Variants in BRINP3 observed in about 807,000 individuals in gnomAD.
The protein encoded by BRINP3 is BMP/retinoic acid inducible neural specific 3.
In BRINP3, 19 loss-of-function variants were observed where a neutral mutation model predicts 71.0. The observed-to-expected ratio is 0.27, with a 90% CI of 0.19 to 0.39. The LOEUF (loss-of-function observed/expected upper bound fraction) is 0.39, where lower values mean the gene tolerates loss of function less well. Ranked by LOEUF, BRINP3 falls within the 10% of genes least tolerant of loss-of-function variation. The pLI, the probability that BRINP3 is intolerant of heterozygous loss-of-function variation, is 1.00. For missense variants in BRINP3, 959 were observed against 940.8 expected, an observed-to-expected ratio of 1.02 and a Z score of -0.25; for synonymous variants, 380 against 337.7, an observed-to-expected ratio of 1.13 and a Z score of -1.37.
intron 7 of BRINP3, among the ~76,000 whole-genome samples, chr1:190,117,378 C>T (rs2102304199): frequency 6.6e-6 from 1 of 152,106 alleles, no homozygotes; most frequent in African/African-American, 2.4e-5. Context: ...ATTCAATCTT[C>T]ATTATTTTTA....
At chr1:190,349,966 A>G (rs1220445653) in intron 2 of BRINP3, among the ~76,000 whole-genome samples, 2 of 152,086 alleles carry the variant, frequency 1.3e-5, no homozygotes, top group Non-Finnish European at 2.9e-5. Flanking sequence ...CTGCTGTGAT[A>G]TAGAGTAGTG....
At chr1:190,461,462 G>A (rs531906492) in intron 1 of BRINP3, among the ~76,000 whole-genome samples, 1 of 152,142 alleles carries the variant, frequency 6.6e-6, no homozygotes, top group South Asian at 2.1e-4. Context: ...CCCTATGATG[G>A]TACATTTACA....
chr1:190,165,529 G>A (rs1471250074), intron 6 of BRINP3, among the ~76,000 whole-genome samples: 2 of 135,850 alleles, frequency 1.5e-5, no homozygotes, highest in East Asian at 4.5e-4. Flanking sequence ...TGGTTTAGAC[G>A]CAATACTAAG....
chr1:190,412,582 C>A (rs1672759466), intron 2 of BRINP3, among the ~76,000 whole-genome samples: 1 of 148,204 alleles, frequency 6.7e-6, no homozygotes, highest in Admixed American at 6.7e-5. Flanking sequence ...CCTGCCTCAG[C>A]CTCCCAAGTA....
At chr1:190,457,465 C>G (rs12747359) in intron 1 of BRINP3, among the ~76,000 whole-genome samples, 2 of 151,652 alleles carry the variant, frequency 1.3e-5, no homozygotes, top group Admixed American at 6.6e-5. Context: ...AAAACAAAAA[C>G]AAAACAAAAA....
At chr1:190,269,668 T>C (rs1421444761) in intron 3 of BRINP3, among the ~76,000 whole-genome samples, 2 of 152,024 alleles carry the variant, frequency 1.3e-5, no homozygotes, top group African/African-American at 4.8e-5. Context: ...ATCTAAGTCA[T>C]AGCATGAGAA....
chr1:190,304,100 C>T (rs1266533775), intron 2 of BRINP3, among the ~76,000 whole-genome samples: 4 of 151,878 alleles, frequency 2.6e-5, no homozygotes, highest in Admixed American at 6.6e-5. Context: ...GCCACTAACT[C>T]GTTTTATGAA....
In BRINP3 at chr1:190,240,015, C is replaced by A. The variant is rs1169219008; in HGVS notation, c.619-5538G>T. Among the ~76,000 whole-genome samples, 6 of 151,282 alleles carry A rather than the reference C, an allele frequency of 4.0e-5. No individual in the cohort carries two copies. The East Asian group carries it at 1.2e-3, about 30-fold the overall frequency. On this transcript the variant is annotated intron_variant, in intron 4 of 7. Coordinates refer to ENST00000367462, the MANE Select transcript of BRINP3 (RefSeq NM_199051.3). Reference sequence around the variant, plus strand: ...TTTTTTTATTTCAAGGCTACAATTACTACTGTTCTATAATTGAAGATATAT... The same window carrying A: ...TTTTTTTATTTCAAGGCTACAATTAATACTGTTCTATAATTGAAGATATAT...
intron 2 of BRINP3, among the ~76,000 whole-genome samples, chr1:190,389,967 T>C (rs1219658551): frequency 1.3e-5 from 2 of 151,824 alleles, no homozygotes; most frequent in African/African-American, 4.8e-5. Flanking sequence ...AAGAATCTTC[T>C]CTTGTTACAG....
intron 2 of BRINP3, among the ~76,000 whole-genome samples, chr1:190,368,072 G>A (rs956411967): frequency 2.0e-5 from 3 of 152,048 alleles, no homozygotes; most frequent in African/African-American, 7.2e-5. Context: ...ACCCAGCACC[G>A]ATGTACTGTA....
intron 2 of BRINP3, among the ~76,000 whole-genome samples, chr1:190,437,621 A>T (rs901460435): frequency 6.6e-6 from 1 of 151,874 alleles, no homozygotes; most frequent in Non-Finnish European, 1.5e-5. Flanking sequence ...GGTAAGAATA[A>T]AATCAGCTTT....
intron 6 of BRINP3, among the ~76,000 whole-genome samples, chr1:190,201,696 C>A (rs2436653): frequency 0.044 from 6,659 of 151,918 alleles, 471 homozygotes; most frequent in African/African-American, 0.15. Flanking sequence ...CTGCTCCAGC[C>A]ATGGTTGAAA....
chr1:190,212,882 A>T (rs945949016), intron 6 of BRINP3, among the ~76,000 whole-genome samples: 1 of 152,086 alleles, frequency 6.6e-6, no homozygotes, highest in Non-Finnish European at 1.5e-5. Flanking sequence ...GCTAGAAATG[A>T]CATTTGATTA....
chr1:190,339,868 T>A lies in BRINP3; in HGVS notation c.237-58118A>T, dbSNP rs12733392. The stretch of plus-strand genomic sequence containing the variant: ...ATAGACATTGTCCTGATTTTATTTG[T>A]GAATTGTAATTTAAGATTGCAAAAG... On this transcript the variant is annotated intron_variant, in intron 2 of 7. Transcript: ENST00000367462. Among the ~76,000 whole-genome samples, 382 of 152,068 alleles carry A rather than the reference T, an allele frequency of 2.5e-3. 3 individuals are homozygous for A. The highest frequency in any genetic ancestry group is 3.2e-3 in the Non-Finnish European group (219 of 67,900).
intron 4 of BRINP3, among the ~76,000 whole-genome samples, chr1:190,239,040 T>A (rs1658802747): frequency 6.6e-6 from 1 of 152,142 alleles, no homozygotes. Flanking sequence ...TCTTACATGG[T>A]GGCAGGTGAA....
chr1:190,381,209 C>T (rs777570155), intron 2 of BRINP3, among the ~76,000 whole-genome samples: 7 of 152,028 alleles, frequency 4.6e-5, no homozygotes, highest in Non-Finnish European at 8.8e-5. Context: ...TTAAAATTTA[C>T]GTGTGTTGTC....
intron 7 of BRINP3, chr1:190,154,121 A>C (rs1474871322): frequency 1.1e-6 from 1 of 899,318 alleles, no homozygotes; most frequent in South Asian, 5.1e-5. Flanking sequence ...TAGGGGAAAG[A>C]GATAAAAAAG....
At chr1:190,262,465 T>C (rs1212431433) in intron 4 of BRINP3, among the ~76,000 whole-genome samples, 4 of 152,158 alleles carry the variant, frequency 2.6e-5, no homozygotes, top group Admixed American at 1.3e-4. Flanking sequence ...TTTCCTTTTT[T>C]CCTTAGTTAC....
At chr1:190,170,296 G>T (rs879360631) in intron 6 of BRINP3, among the ~76,000 whole-genome samples, 3 of 151,944 alleles carry the variant, frequency 2.0e-5, no homozygotes, top group African/African-American at 4.8e-5. Context: ...TAAAAGGAAA[G>T]AATTTTATAT....
Sources: allele counts gnomAD v4.1 joint callset (sites outside exome capture counted in the v4.1 genomes callset), GRCh38; gene constraint gnomAD v4.1.1; transcripts MANE v1.5; gene names NCBI Gene and HGNC (gene_info 2026-07-23, HGNC 2026-07-21).